The following IQSEC1 variants were observed in gnomAD, a reference collection of about 807,000 sequenced individuals.
IQSEC1 encodes IQ motif and Sec7 domain ArfGEF 1.
A neutral mutation model predicts 91.0 loss-of-function variants in IQSEC1; 31 were observed. The observed-to-expected ratio is 0.34, with a 90% confidence interval of 0.26 to 0.46. IQSEC1 has a LOEUF of 0.46. IQSEC1 is among the 20% of genes least tolerant of loss of function. The pLI, the probability that IQSEC1 is intolerant of heterozygous loss-of-function variation, is 1.00. For synonymous variants in IQSEC1, 699 were observed against 662.6 expected (o/e 1.05, Z -0.84); for missense variants, 1,388 against 1,575.6 (o/e 0.88, Z 2.02).
chr3:13,060,851 T>C (rs893536777), intron 1 of IQSEC1, among the ~76,000 whole-genome samples: 2 of 152,230 alleles, frequency 1.3e-5, no homozygotes, highest in Admixed American at 6.5e-5. Flanking sequence ...AACACAGGGC[T>C]ACGCCCAGGC....
intron 1 of IQSEC1, among the ~76,000 whole-genome samples, chr3:13,070,581 G>A (rs1318147725): frequency 2.6e-5 from 4 of 152,186 alleles, no homozygotes; most frequent in African/African-American, 9.7e-5. Context: ...GCAAACACAG[G>A]CTTATCAAGT....
At chr3:12,930,747 A>C (rs1234397479) in intron 3 of IQSEC1, among the ~76,000 whole-genome samples, 3 of 152,170 alleles carry the variant, frequency 2.0e-5, no homozygotes, top group Non-Finnish European at 4.4e-5. Context: ...AGTTCCTGTC[A>C]CATGCAACAG....
rs1398562105 is a variant in IQSEC1 at position 12,899,806 on chromosome 3, G to A, written c.*1177C>T. On this transcript the variant is annotated 3_prime_UTR_variant, in exon 14 of 14. Coordinates refer to ENST00000613206, the MANE Select transcript of IQSEC1 (RefSeq NM_001134382.3). ...GATGAAAACACTCTCTGAGGGCTTCGGCCTGGTGTGGGTTGGAGGCGGGAT... is the reference window on the plus strand; with the variant it reads ...GATGAAAACACTCTCTGAGGGCTTCAGCCTGGTGTGGGTTGGAGGCGGGAT... 29 of 985,272 alleles carry A rather than the reference G, an allele frequency of 2.9e-5. No homozygotes were observed. The highest frequency in any genetic ancestry group is 4.7e-5 in the South Asian group (1 of 21,284). The allele number at this position is 985,272 out of a possible 1,614,324, so 61.0% of individuals were successfully genotyped here. A position where few individuals can be genotyped will look rare whatever the true frequency, so the allele number is the denominator to read the frequency against.
chr3:12,897,241 G>C lies in IQSEC1; in HGVS notation c.*3742C>G, dbSNP rs1360108646. The stretch of plus-strand genomic sequence containing the variant: ...TCCGAGAGTTTCAAAGGATTTATTT[G>C]ATTTCCCCACATGATCACAACCATG... On this transcript the variant is annotated 3_prime_UTR_variant, in exon 14 of 14. Coordinates refer to ENST00000613206, the MANE Select transcript of IQSEC1 (RefSeq NM_001134382.3). 1 of 152,228 alleles carries C rather than the reference G, an allele frequency of 6.6e-6. No homozygotes were observed. Among genetic ancestry groups the C allele is most frequent in the African/African-American group, 2.4e-5 (1 of 41,464 alleles). 9.4% of individuals were successfully genotyped at this position (152,228 alleles called of 1,614,324 possible).
intron 2 of IQSEC1, among the ~76,000 whole-genome samples, chr3:13,147,778 G>A (rs973785848): frequency 2.6e-5 from 4 of 152,150 alleles, no homozygotes; most frequent in South Asian, 2.1e-4. Context: ...TACCACAGGC[G>A]CATGCCACCA....
At chr3:13,039,833 A>G (rs1704184107) in intron 1 of IQSEC1, among the ~76,000 whole-genome samples, 1 of 152,194 alleles carries the variant, frequency 6.6e-6, no homozygotes, top group African/African-American at 2.4e-5. Context: ...GTCATTTGCC[A>G]GGGTGGACAG....
chr3:13,137,095 C>T (rs111410546), intron 2 of IQSEC1, among the ~76,000 whole-genome samples: 9,849 of 152,060 alleles, frequency 0.065, 944 homozygotes, highest in African/African-American at 0.21. Flanking sequence ...ATGATCCTGC[C>T]GCTGCACTCC....
intron 1 of IQSEC1, among the ~76,000 whole-genome samples, chr3:13,190,313 C>T (rs578061004): frequency 1.7e-4 from 26 of 152,278 alleles, no homozygotes; most frequent in South Asian, 4.1e-4. Flanking sequence ...GGCTCACGCC[C>T]GAAATCCCAA....
intron 1 of IQSEC1, among the ~76,000 whole-genome samples, chr3:13,174,837 C>T (rs111887666): frequency 2.0e-5 from 3 of 148,592 alleles, no homozygotes; most frequent in Admixed American, 6.7e-5. Flanking sequence ...TTCTGCTCCC[C>T]CCCCCCACCT....
intron 2 of IQSEC1, among the ~76,000 whole-genome samples, chr3:13,162,133 C>T (rs1342378861): frequency 6.6e-6 from 1 of 152,212 alleles, no homozygotes; most frequent in Non-Finnish European, 1.5e-5. Flanking sequence ...GTTCACTAGC[C>T]CCCGCTCAGG....
intron 1 of IQSEC1, among the ~76,000 whole-genome samples, chr3:13,020,767 C>G (rs1244771329): frequency 6.6e-6 from 1 of 152,192 alleles, no homozygotes; most frequent in African/African-American, 2.4e-5. Flanking sequence ...GAACTGGGCT[C>G]AAGCATTCCT....
intron 1 of IQSEC1, among the ~76,000 whole-genome samples, chr3:13,052,069 GGGGAC>G (rs1704711083): frequency 6.6e-6 from 1 of 152,142 alleles, no homozygotes; most frequent in Admixed American, 6.5e-5. Context: ...CTGGGCCTAT[GGGGAC>G]TTCACCAGTT....
chr3:13,008,083 G>A lies in IQSEC1; in HGVS notation c.23+64909C>T, dbSNP rs1432697345. On this transcript the variant is annotated intron_variant, in intron 1 of 13. Transcript: ENST00000613206. The surrounding 1 kb of genome is among the most constrained non-coding windows in gnomAD (Gnocchi z 4.1). ...CCCAGGAACCCCAGGGAGGGGCCAG[G>A]TGCCTGGCCTTCTGAGTGTCTGTAC... is the stretch of plus-strand genomic sequence containing the variant. Among the ~76,000 whole-genome samples the A allele has an allele frequency of 2.0e-5, 3 of 152,192 alleles. No individual in the cohort carries two copies. Among genetic ancestry groups the A allele is most frequent in the Admixed American group, 2.0e-4 (3 of 15,282 alleles).
chr3:13,260,366 T>C (rs1181894617), intron 1 of IQSEC1, among the ~76,000 whole-genome samples: 1 of 152,230 alleles, frequency 6.6e-6, no homozygotes, highest in Non-Finnish European at 1.5e-5. Flanking sequence ...TATGCAGTGA[T>C]GCAGAAACGC....
intron 2 of IQSEC1, among the ~76,000 whole-genome samples, chr3:13,098,776 G>C (rs1479407981): frequency 1.3e-5 from 2 of 152,168 alleles, no homozygotes; most frequent in African/African-American, 4.8e-5. Flanking sequence ...GTAAATTCAA[G>C]GTTACCAGGG....
Position 13,178,377 on chromosome 3 carries a change from G to A in IQSEC1, c.273-14244C>T, listed in dbSNP as rs540951972. On this transcript the variant is annotated intron_variant, in intron 1 of 15. Transcript: ENST00000648114. ...GTGCTAGAAGCCAGGTCAGGGGTGT[G>A]GTCAAGAGTGAGGATGGGGCTCTCA... 3.3e-5 allele frequency among the ~76,000 whole-genome samples: 5 copies of A among 152,314 alleles called. No homozygotes were observed. In the East Asian group the frequency reaches 7.7e-4, roughly 24 times the overall value.
chr3:13,154,650 G>A (rs1372014639), intron 2 of IQSEC1, among the ~76,000 whole-genome samples: 6 of 150,104 alleles, frequency 4.0e-5, no homozygotes, highest in Non-Finnish European at 7.4e-5. Context: ...GATCTAACAG[G>A]ACACTCCACT....
chr3:12,952,733 G>T (rs150312611), intron 1 of IQSEC1, among the ~76,000 whole-genome samples: 1 of 152,198 alleles, frequency 6.6e-6, no homozygotes, highest in Non-Finnish European at 1.5e-5. Context: ...ACCTGTGCAG[G>T]TGCTGTTCCC....
chr3:12,915,500 A>G (rs1245613781), intron 7 of IQSEC1, 94 bp downstream of exon 7: 2 of 1,362,524 alleles, frequency 1.5e-6, no homozygotes, highest in Middle Eastern at 1.9e-4. Flanking sequence ...GGAAGAGACC[A>G]CACGGAGTGG....
Sources: allele counts gnomAD v4.1 joint callset (sites outside exome capture counted in the v4.1 genomes callset), GRCh38; gene constraint gnomAD v4.1.1; non-coding constraint Gnocchi (gnomAD v3.1); transcripts MANE v1.5; gene names NCBI Gene and HGNC (gene_info 2026-07-23, HGNC 2026-07-21).